RPS6KC1: variants seen among roughly 807,000 people sequenced by gnomAD.
The protein encoded by RPS6KC1 is ribosomal protein S6 kinase C1.
Under a neutral mutation model 103.8 loss-of-function variants are expected in RPS6KC1, and 54 were observed. The observed-to-expected ratio is 0.52, with a 90% confidence interval of 0.42 to 0.65. The LOEUF (loss-of-function observed/expected upper bound fraction) is 0.65, where lower values mean the gene tolerates loss of function less well. RPS6KC1 is among the 30% of genes least tolerant of loss of function. The probability of loss-of-function intolerance (pLI) is 0.00; values close to 1 mark genes in which losing one functional copy is unlikely to be tolerated. For missense variants in RPS6KC1, 1,151 were observed against 1,253.8 expected (o/e 0.92, Z 1.24); for synonymous variants, 439 against 438.7 (o/e 1.00, Z -0.01).
At chr1:213,590,698 C>T in the RPS6KC1 span, among the ~76,000 whole-genome samples, 1 of 152,118 alleles carries the variant, frequency 6.6e-6, no homozygotes, top group African/African-American at 2.4e-5. Flanking sequence ...TGAGGTCACT[C>T]TCATCAGCGG....
chr1:213,172,567 C>T (rs984341303), intron 7 of RPS6KC1, among the ~76,000 whole-genome samples: 4 of 152,204 alleles, frequency 2.6e-5, no homozygotes, highest in African/African-American at 9.7e-5. Flanking sequence ...GAGCCGAGAT[C>T]GTGTCACTGC....
the RPS6KC1 span, among the ~76,000 whole-genome samples, chr1:213,654,943 G>A: frequency 3.3e-5 from 5 of 152,306 alleles, no homozygotes; most frequent in South Asian, 2.1e-4. Context: ...ACAAAAGATC[G>A]CTTCTTGAGG....
the RPS6KC1 span, among the ~76,000 whole-genome samples, chr1:213,508,110 T>G: frequency 3.3e-5 from 5 of 152,250 alleles, 1 homozygote; most frequent in African/African-American, 1.2e-4. Flanking sequence ...CTTTCACTCC[T>G]GTTCCCAATG....
intron 1 of RPS6KC1, among the ~76,000 whole-genome samples, chr1:213,055,496 T>G (rs2077263243): frequency 6.6e-6 from 1 of 152,248 alleles, no homozygotes; most frequent in Non-Finnish European, 1.5e-5. Flanking sequence ...TGTTTCCAGT[T>G]TTTGGACATT....
the RPS6KC1 span, among the ~76,000 whole-genome samples, chr1:213,692,032 G>A: frequency 1.3e-5 from 2 of 152,202 alleles, no homozygotes; most frequent in South Asian, 4.1e-4. Flanking sequence ...GTTCTCAGAA[G>A]AAAGAATTTG....
the RPS6KC1 span, among the ~76,000 whole-genome samples, chr1:213,669,219 A>G: frequency 2.6e-5 from 4 of 152,238 alleles, no homozygotes; most frequent in South Asian, 8.3e-4. Flanking sequence ...TAATCGTTCT[A>G]TCTTTTGATT....
chr1:213,836,342 C>T, the RPS6KC1 span, among the ~76,000 whole-genome samples: 1 of 151,988 alleles, frequency 6.6e-6, no homozygotes, highest in Non-Finnish European at 1.5e-5. Flanking sequence ...GAATGAGGAA[C>T]CTGGCAAAAC....
the RPS6KC1 span, among the ~76,000 whole-genome samples, chr1:213,696,066 C>T: frequency 4.6e-5 from 7 of 152,320 alleles, no homozygotes; most frequent in African/African-American, 9.6e-5. Context: ...ATCTAAATTT[C>T]CTCTAGCAAA....
chr1:213,106,183 GA>G (rs1361600406), intron 4 of RPS6KC1, among the ~76,000 whole-genome samples: 1 of 151,950 alleles, frequency 6.6e-6, no homozygotes, highest in Non-Finnish European at 1.5e-5. Flanking sequence ...ACAGGATACT[GA>G]TTTGGGAATA....
At chr1:213,107,345 A>G (rs1402468972) in intron 4 of RPS6KC1, among the ~76,000 whole-genome samples, 1 of 152,142 alleles carries the variant, frequency 6.6e-6, no homozygotes, top group Non-Finnish European at 1.5e-5. Flanking sequence ...TGTTCTGTCT[A>G]TAGATTTGCC....
the RPS6KC1 span, among the ~76,000 whole-genome samples, chr1:213,582,429 T>C: frequency 6.6e-6 from 1 of 152,070 alleles, no homozygotes. Context: ...ACACCTAAAA[T>C]CCTTACTGAC....
the RPS6KC1 span, among the ~76,000 whole-genome samples, chr1:213,426,019 C>A: frequency 6.6e-6 from 1 of 152,104 alleles, no homozygotes; most frequent in Admixed American, 6.6e-5. Flanking sequence ...TGTTTTATAC[C>A]TCTTTTTGTT....
chr1:213,078,856 TAAAAC>T (rs1356582663), intron 3 of RPS6KC1, among the ~76,000 whole-genome samples: 4 of 152,186 alleles, frequency 2.6e-5, no homozygotes, highest in Non-Finnish European at 5.9e-5. Context: ...GAAAAATACT[TAAAAC>T]GTAAAGAGAA....
At chr1:213,556,626 A>G in the RPS6KC1 span, among the ~76,000 whole-genome samples, 1 of 152,234 alleles carries the variant, frequency 6.6e-6, no homozygotes, top group African/African-American at 2.4e-5. Context: ...GAGGCAAGTG[A>G]TCTTTTGGCT....
At chr1:213,687,595 A>G in the RPS6KC1 span, among the ~76,000 whole-genome samples, 1,417 of 152,308 alleles carry the variant, frequency 9.3e-3, 71 homozygotes, top group Admixed American at 0.078. Context: ...AGAACCATAG[A>G]GGGAAATGCC....
chr1:213,806,105 G>A, the RPS6KC1 span, among the ~76,000 whole-genome samples: 3 of 152,176 alleles, frequency 2.0e-5, no homozygotes, highest in Admixed American at 1.3e-4. Flanking sequence ...GGCTGAGGTG[G>A]GTGGATCATG....
the RPS6KC1 span, among the ~76,000 whole-genome samples, chr1:213,335,166 G>T: frequency 6.6e-6 from 1 of 152,208 alleles, no homozygotes; most frequent in Admixed American, 6.5e-5. Context: ...TCACTCATAT[G>T]AACTAATGAT....
rs71573864 is a variant in RPS6KC1 at position 213,145,967 on chromosome 1, G to GTTT, written c.835+16103_835+16105dup. Among the ~76,000 whole-genome samples, 418 of 47,830 alleles carry GTTT rather than the reference G, an allele frequency of 8.7e-3. 46 individuals are homozygous for GTTT. The highest frequency in any genetic ancestry group is 0.021 in the Middle Eastern group (1 of 48). The allele number at this position is 47,830 out of a possible 152,430, so 31.4% of individuals were successfully genotyped here. A position where few individuals can be genotyped will look rare whatever the true frequency, so the allele number is the denominator to read the frequency against. On this transcript the variant is annotated intron_variant, in intron 6 of 14. Transcript: ENST00000366960. Reference sequence around the variant, plus strand: ...CAAATAGGTCTTATTCATTCATTCTGTTTTTTTTTTTTTTTTTTTTTTTTT... The same window carrying GTTT: ...CAAATAGGTCTTATTCATTCATTCTGTTTTTTTTTTTTTTTTTTTTTTTTTTTT...
the RPS6KC1 span, among the ~76,000 whole-genome samples, chr1:213,430,243 C>T: frequency 6.6e-6 from 1 of 152,190 alleles, no homozygotes; most frequent in Non-Finnish European, 1.5e-5. Context: ...ACTTATCTGT[C>T]TTAAAGGTGA....
Sources: allele counts gnomAD v4.1 joint callset (sites outside exome capture counted in the v4.1 genomes callset), GRCh38; gene constraint gnomAD v4.1.1; transcripts MANE v1.5; gene names NCBI Gene and HGNC (gene_info 2026-07-23, HGNC 2026-07-21).